Variants in HERC3 observed in about 807,000 individuals in gnomAD.
HERC3 encodes HECT and RLD domain containing E3 ubiquitin protein ligase 3.
A neutral mutation model predicts 129.9 loss-of-function variants in HERC3; 58 were observed. That is an observed-to-expected ratio of 0.45 (90% CI 0.36 to 0.56). HERC3 has a LOEUF of 0.56. Among genes scored for constraint, HERC3 ranks in the 20% least tolerant of loss-of-function variants. The probability of loss-of-function intolerance (pLI) is 0.00; values close to 1 mark genes in which losing one functional copy is unlikely to be tolerated. For missense variants in HERC3, 835 were observed against 1,244.2 expected, an observed-to-expected ratio of 0.67 and a Z score of 4.95; for synonymous variants, 430 against 451.0, an observed-to-expected ratio of 0.95 and a Z score of 0.59.
chr4:88,669,344 G>A (rs1276421487), intron 14 of HERC3, among the ~76,000 whole-genome samples: 1 of 152,090 alleles, frequency 6.6e-6, no homozygotes, highest in African/African-American at 2.4e-5. Context: ...ATATCTTCTT[G>A]TCTGGTTATG....
chr4:88,565,957 A>T, the HERC3 span, among the ~76,000 whole-genome samples: 1 of 151,292 alleles, frequency 6.6e-6, no homozygotes, highest in African/African-American at 2.4e-5. Flanking sequence ...TTTTTTTTCC[A>T]ACTCTTGTTT....
At chr4:88,643,682 T>C (rs557131623) in intron 3 of HERC3, among the ~76,000 whole-genome samples, 1 of 152,308 alleles carries the variant, frequency 6.6e-6, no homozygotes, top group East Asian at 1.9e-4. Context: ...CACTTGGACA[T>C]TCATACCTTA....
Position 88,686,736 on chromosome 4 carries a change from G to T in HERC3, c.2508G>T (p.Arg836Ser). 1.2e-6 allele frequency: 2 copies of T among 1,603,138 alleles called. No homozygotes were observed. The highest frequency in any genetic ancestry group is 1.1e-5 in the South Asian group (1 of 90,812). Residue 836 changes from arginine (R) to serine (S), a missense_variant and splice_region_variant, in exon 22 of 26, where the codon AGG (arginine) becomes AGT (serine). Transcript: ENST00000402738. ...TCCTTTTCTGTCATTCTATGATTAG[G>T]AGTCTCCAAGAGCTTTTAGATTACC... is the stretch of plus-strand genomic sequence containing the variant. ...DLKELSPTEG[R>S]SLQELLDYPG...
chr4:88,693,627 G>A (rs1482333936), intron 23 of HERC3: 5 of 971,772 alleles, frequency 5.1e-6, no homozygotes, highest in East Asian at 2.3e-4. Flanking sequence ...TTAATTTTAT[G>A]TTATGCAAAT....
chr4:88,636,833 C>T (rs1727464293), intron 3 of HERC3, among the ~76,000 whole-genome samples: 1 of 152,218 alleles, frequency 6.6e-6, no homozygotes, highest in African/African-American at 2.4e-5. Flanking sequence ...AATTAAGAAA[C>T]TCACTCAAAA....
At chr4:88,607,483 A>C (rs539471515) in intron 3 of HERC3, among the ~76,000 whole-genome samples, 18 of 151,630 alleles carry the variant, frequency 1.2e-4, no homozygotes, top group African/African-American at 4.4e-4. Flanking sequence ...TTTTTTTTTG[A>C]GACAGGATCT....
intron 23 of HERC3, chr4:88,697,743 C>T (rs772088874): frequency 1.6e-5 from 26 of 1,608,230 alleles, no homozygotes; most frequent in Non-Finnish European, 1.9e-5. Flanking sequence ...CCTGGTTTTC[C>T]GAGTCGGCCA....
intron 3 of HERC3, among the ~76,000 whole-genome samples, chr4:88,618,143 A>G (rs1450277813): frequency 6.6e-6 from 1 of 152,276 alleles, no homozygotes; most frequent in African/African-American, 2.4e-5. Context: ...AGAAGGCTGA[A>G]CTAATTATGG....
At chr4:88,647,256 C>G (rs1470402891) in intron 3 of HERC3, among the ~76,000 whole-genome samples, 1 of 152,174 alleles carries the variant, frequency 6.6e-6, no homozygotes, top group Non-Finnish European at 1.5e-5. Flanking sequence ...GCAGACAGAT[C>G]AGAGCGACAG....
chr4:88,553,865 T>C, the HERC3 span, among the ~76,000 whole-genome samples: 1 of 152,300 alleles, frequency 6.6e-6, no homozygotes, highest in Non-Finnish European at 1.5e-5. Flanking sequence ...AGTTCACCTG[T>C]TCAAGAACTG....
chr4:88,667,371 G>C lies in HERC3; in HGVS notation c.1332-6G>C, dbSNP rs754366753. The C allele has an allele frequency of 1.3e-6, 2 of 1,521,826 alleles. No individual in the cohort carries two copies. The highest frequency in any genetic ancestry group is 3.6e-5 in the Admixed American group (2 of 55,160). 94.3% of individuals were successfully genotyped at this position (1,521,826 alleles called of 1,614,324 possible). ...ATTATATACCTTTTTGATTTTGTTT[G>C]TTTAGAATTGATGAACATTTTAAAA... On this transcript the variant is annotated splice_polypyrimidine_tract_variant and splice_region_variant and intron_variant, in intron 12 of 25. Coordinates refer to ENST00000402738, the MANE Select transcript of HERC3 (RefSeq NM_014606.3).
the HERC3 span, among the ~76,000 whole-genome samples, chr4:88,579,333 G>A: frequency 6.6e-6 from 1 of 151,878 alleles, no homozygotes; most frequent in Non-Finnish European, 1.5e-5. Flanking sequence ...CTTGAGCCTG[G>A]GAGGCGGAAG....
chr4:88,526,712 T>G, the HERC3 span, among the ~76,000 whole-genome samples: 7 of 152,192 alleles, frequency 4.6e-5, no homozygotes, highest in South Asian at 1.2e-3. Context: ...ATTTTTGTAT[T>G]TTTTGTAGAG....
intron 3 of HERC3, among the ~76,000 whole-genome samples, chr4:88,615,886 G>C (rs1444422665): frequency 6.6e-6 from 1 of 152,170 alleles, no homozygotes; most frequent in Non-Finnish European, 1.5e-5. Flanking sequence ...TGTAGTAGCA[G>C]TAGTAGTAAT....
chr4:88,670,084 T>C, intron 15 of HERC3, 55 bp from the exon 16 acceptor site: 2 of 1,594,442 alleles, frequency 1.3e-6, no homozygotes, highest in Admixed American at 3.3e-5. Flanking sequence ...AATGTCCTAG[T>C]GAGATGTTCT....
chr4:88,560,528 C>T, the HERC3 span, among the ~76,000 whole-genome samples: 2 of 152,068 alleles, frequency 1.3e-5, no homozygotes, highest in Non-Finnish European at 2.9e-5. Flanking sequence ...TTTCCCAAAC[C>T]ATAGGCTTCT....
intron 23 of HERC3, among the ~76,000 whole-genome samples, chr4:88,699,283 TCTTC>T (rs1303311336): frequency 2.0e-5 from 1 of 50,672 alleles, no homozygotes; most frequent in East Asian, 8.9e-4. Context: ...CCCGCCTTCT[TCTTC>T]CCCACCCACC....
the HERC3 span, among the ~76,000 whole-genome samples, chr4:88,576,776 C>T: frequency 2.0e-5 from 3 of 152,002 alleles, no homozygotes; most frequent in African/African-American, 4.8e-5. Context: ...TGCCTTTTAA[C>T]GTTTTTATAG....
intron 12 of HERC3, 79 bp from the exon 13 acceptor site, chr4:88,667,298 G>T: frequency 1.5e-6 from 1 of 685,562 alleles, no homozygotes; most frequent in Non-Finnish European, 2.5e-6. Flanking sequence ...TAAGAACACA[G>T]TATTTTACTT....
Sources: allele counts gnomAD v4.1 joint callset (sites outside exome capture counted in the v4.1 genomes callset), GRCh38; gene constraint gnomAD v4.1.1; transcripts MANE v1.5; gene names NCBI Gene and HGNC (gene_info 2026-07-23, HGNC 2026-07-21).